The following ZNF500 variants were observed in gnomAD, a reference collection of about 807,000 sequenced individuals.
ZNF500 encodes the protein zinc finger protein with KRAB and SCAN domains 18.
ZNF500 carries 31 observed loss-of-function variants against 30.1 expected under a neutral mutation model. The observed-to-expected ratio is 1.03, with a 90% CI of 0.77 to 1.39. The LOEUF (loss-of-function observed/expected upper bound fraction) is 1.39. Ranked by LOEUF, ZNF500 falls within the 40% of genes most tolerant of loss-of-function variation. The probability of loss-of-function intolerance (pLI) is 0.00; values close to 1 mark genes in which losing one functional copy is unlikely to be tolerated. For synonymous variants in ZNF500, 392 were observed against 282.0 expected (o/e 1.39, Z -3.91); for missense variants, 817 against 657.8 (o/e 1.24, Z -2.65).
Position 4,765,917 on chromosome 16 carries a change from T to A in ZNF500, c.62A>T (p.Glu21Val). The change falls in exon 2 of 6, where the codon GAG becomes GTG. Residue 21 changes from glutamate to valine, a missense_variant. Transcript: ENST00000219478. ...PTLEQDLEQE[E>V]ILIVKVEEDF... ...CTCCTCCACCTTCACAATCAGGATC[T>A]CTTCCTGTTCCAGGTCCTGCTCCAA... The A allele has an allele frequency of 6.2e-7, 1 of 1,610,022 alleles. No homozygotes were observed.
chr16:4,747,275 TTCAG>T, downstream of ZNF500: 1 of 1,487,534 alleles, frequency 6.7e-7, no homozygotes, highest in East Asian at 2.3e-5. Context: ...TTTCTCCTGT[TTCAG>T]TAAGGAGGGC....
chr16:4,758,471 G>C (rs1370752583), intron 5 of ZNF500: 1 of 152,180 alleles, frequency 6.6e-6, no homozygotes, highest in Non-Finnish European at 1.5e-5. Context: ...GGAATGAACT[G>C]GACCACAGGT....
At position 4,760,542 on chromosome 16, in the gene ZNF500, T is replaced by C. The variant is rs1198543004; in HGVS notation, c.710A>G (p.Glu237Gly). The change falls in exon 5 of 6, where the codon GAG (glutamate) becomes GGG (glycine). Residue 237 changes from glutamate (E) to glycine (G), a missense_variant. Physicochemically the swap from Glu to Gly is moderately conservative, Grantham distance 98. Coordinates refer to ENST00000219478, the MANE Select transcript of ZNF500 (RefSeq NM_021646.4). ...CTGAGCTGGGTCCATGCATCTTGGC[T>C]CCTCCCCAGAAAGGTATACAGCCAC... ...EDVAVYLSGEEPRCMDPAQRD... is the reference protein window; with the variant it reads ...EDVAVYLSGEGPRCMDPAQRD... 1.5e-5 allele frequency: 25 copies of C among 1,613,512 alleles called. No individual in the cohort carries two copies. Among genetic ancestry groups the C allele is most frequent in the Non-Finnish European group, 2.1e-5 (25 of 1,179,744 alleles).
chr16:4,763,832 T>C (rs567237980), intron 2 of ZNF500: 56 of 985,444 alleles, frequency 5.7e-5, no homozygotes, highest in Middle Eastern at 5.2e-4. Flanking sequence ...TGCGGTCAGC[T>C]CACGCCGTGG....
At chr16:4,754,535 G>A (rs985734438) in intron 5 of ZNF500, among the ~76,000 whole-genome samples, 2 of 151,718 alleles carry the variant, frequency 1.3e-5, no homozygotes, top group Admixed American at 6.6e-5. Context: ...GTAGTGGTGG[G>A]TGCCTGTAAT....
At chr16:4,760,403 T>C (rs991283131) in intron 5 of ZNF500, 89 bp downstream of exon 5, 45 of 1,290,636 alleles carry the variant, frequency 3.5e-5, no homozygotes, top group Admixed American at 9.3e-5. Flanking sequence ...CCAGGCCAAC[T>C]GGACCAACAG....
chr16:4,763,959 C>A lies in ZNF500; in HGVS notation c.415-1203G>T, dbSNP rs1187220332. On this transcript the variant is annotated intron_variant, in intron 2 of 5. Transcript: ENST00000219478. ...CAGCACTGCCCATGTGCCCCATCCACGCAAGGCCCTGAAAAATGAACTGAA... is the reference window on the plus strand; with the variant it reads ...CAGCACTGCCCATGTGCCCCATCCAAGCAAGGCCCTGAAAAATGAACTGAA... 71 of 985,342 alleles carry A rather than the reference C, an allele frequency of 7.2e-5. 1 individual carries two copies. The highest frequency in any genetic ancestry group is 7.8e-5 in the Non-Finnish European group (65 of 829,952). The allele number at this position is 985,342 out of a possible 1,614,324, so 61.0% of individuals were successfully genotyped here.
Position 4,764,638 on chromosome 16 carries a change from C to T in ZNF500, c.414+927G>A, listed in dbSNP as rs574301483. On this transcript the variant is annotated intron_variant, in intron 2 of 5. Coordinates refer to ENST00000219478, the MANE Select transcript of ZNF500 (RefSeq NM_021646.4). ...CTACTAAAAATACAAAAAAATTAGC[C>T]GGGCGTGGTGGTGGGCGCCTGTAGT... 3.6e-3 allele frequency among the ~76,000 whole-genome samples: 549 copies of T among 151,886 alleles called. 2 individuals are homozygous for T. Among genetic ancestry groups the T allele is most frequent in the African/African-American group, 0.013 (520 of 41,420 alleles).
At chr16:4,754,651 G>A (rs1380231315) in intron 5 of ZNF500, among the ~76,000 whole-genome samples, 4 of 149,098 alleles carry the variant, frequency 2.7e-5, no homozygotes, top group South Asian at 2.1e-4. Flanking sequence ...GCGACAGAGC[G>A]AGACTCTGTC....
chr16:4,752,522 C>T lies in ZNF500; in HGVS notation c.1297G>A (p.Gly433Ser), dbSNP rs1007096422. 2 of 1,560,856 alleles carry T rather than the reference C, an allele frequency of 1.3e-6. No homozygotes were observed. The highest frequency in any genetic ancestry group is 1.7e-6 in the Non-Finnish European group (2 of 1,157,832). The change falls in exon 6 of 6, where the codon GGT (glycine) becomes AGT (serine). Residue 433 changes from glycine (G) to serine (S), a missense_variant. Physicochemically the swap from Gly to Ser is moderately conservative, Grantham distance 56. Coordinates refer to ENST00000219478, the MANE Select transcript of ZNF500 (RefSeq NM_021646.4). ...HFSAHRRTHT[G>S]EKPYTCPACG... ...GCCGGGCAGGTGTAGGGCTTCTCAC[C>T]TGTGTGCGTCCGGCGGTGGGCGCTG...
intron 4 of ZNF500, 122 bp downstream of exon 4, chr16:4,762,149 A>G (rs1312376997): frequency 2.2e-5 from 25 of 1,123,192 alleles, no homozygotes; most frequent in East Asian, 5.2e-5. Context: ...ACTCCAGGGA[A>G]GAGCTCCTCT....
At chr16:4,747,113 T>A, downstream of ZNF500, 1 of 1,334,246 alleles carries the variant, frequency 7.5e-7, no homozygotes, top group Non-Finnish European at 1.0e-6. Context: ...TTACCGCCTG[T>A]GGTGAGGTCT....
chr16:4,761,253 A>G (rs1042921850), intron 4 of ZNF500, among the ~76,000 whole-genome samples: 3 of 152,082 alleles, frequency 2.0e-5, no homozygotes, highest in Non-Finnish European at 4.4e-5. Flanking sequence ...CCTGGCCAAC[A>G]TGGTGAAACC....
At chr16:4,763,106 G>A (rs1353542151) in intron 2 of ZNF500, 16 of 985,292 alleles carry the variant, frequency 1.6e-5, no homozygotes, top group Non-Finnish European at 1.8e-5. Context: ...TAGATTTTTT[G>A]AAATTATCTG....
At chr16:4,761,516 CACACACACACATAT>C (rs2082200430) in intron 4 of ZNF500, among the ~76,000 whole-genome samples, 1 of 127,632 alleles carries the variant, frequency 7.8e-6, no homozygotes, top group African/African-American at 3.5e-5. Flanking sequence ...CACACACACA[CACACACACACATAT>C]AAAAATTATA....
chr16:4,763,459 C>G (rs1189651738), intron 2 of ZNF500, among the ~76,000 whole-genome samples: 2 of 151,744 alleles, frequency 1.3e-5, no homozygotes, highest in South Asian at 2.1e-4. Context: ...CTGAGATGAT[C>G]TATTTCCTAA....
Position 4,752,794 on chromosome 16 carries a change from T to C in ZNF500, c.1025A>G (p.Lys342Arg). 1.2e-6 allele frequency: 2 copies of C among 1,614,262 alleles called. No individual in the cohort carries two copies. The highest frequency in any genetic ancestry group is 1.7e-6 in the Non-Finnish European group (2 of 1,180,046). The change falls in exon 6 of 6, where the codon AAG (lysine) becomes AGG (arginine). Residue 342 changes from lysine to arginine, a missense_variant. Lys to Arg is a conservative substitution (Grantham distance 26, BLOSUM62 2). Transcript: ENST00000219478. Reference protein sequence around the residue: ...KGFSKTSHLTKHQRTHTGERP... With the variant: ...KGFSKTSHLTRHQRTHTGERP... ...CTCGCCCGTGTGTGTGCGCTGGTGC[T>C]TGGTCAAGTGGGACGTCTTGCTGAA...
intron 5 of ZNF500, 59 bp downstream of exon 5, chr16:4,760,433 T>G: frequency 6.6e-7 from 1 of 1,517,114 alleles, no homozygotes; most frequent in Non-Finnish European, 9.1e-7. Flanking sequence ...CCGGAGCTGG[T>G]GCCTGACAGT....
At chr16:4,766,718 G>C (rs541856737) in intron 1 of ZNF500, among the ~76,000 whole-genome samples, 1 of 152,206 alleles carries the variant, frequency 6.6e-6, no homozygotes, top group Admixed American at 6.5e-5. Context: ...TTGGAAATCT[G>C]ATGAAAAGTA....
Sources: gnomAD v4.1 joint callset for allele counts (sites outside exome capture counted in the v4.1 genomes callset) on GRCh38, gnomAD v4.1.1 for gene constraint, MANE v1.5 for transcripts, NCBI Gene and HGNC (gene_info 2026-07-23, HGNC 2026-07-21) for gene names.